The following PRKAG2 variants were observed in gnomAD, a reference collection of about 807,000 sequenced individuals.
PRKAG2 encodes 5'-AMP-activated protein kinase subunit gamma-2.
PRKAG2 carries 26 observed loss-of-function variants against 69.6 expected under a neutral mutation model. That is an observed-to-expected ratio of 0.37 (90% CI 0.27 to 0.52). The LOEUF (loss-of-function observed/expected upper bound fraction) is 0.52, where lower values mean the gene tolerates loss of function less well. Among genes scored for constraint, PRKAG2 ranks in the 20% least tolerant of loss-of-function variants. The pLI is 0.90. For synonymous variants in PRKAG2, 293 were observed against 285.0 expected, an observed-to-expected ratio of 1.03 and a Z score of -0.28; for missense variants, 557 against 740.0, an observed-to-expected ratio of 0.75 and a Z score of 2.87.
intron 5 of PRKAG2, 173 bp downstream of exon 5, chr7:151,631,896 C>G (rs1268851940): frequency 5.6e-5 from 33 of 584,422 alleles, no homozygotes; most frequent in Non-Finnish European, 7.9e-5. Context: ...GCAGCCCGAG[C>G]TCGCCGGCGC....
chr7:151,615,533 G>T (rs1226111016), intron 5 of PRKAG2, among the ~76,000 whole-genome samples: 1 of 152,298 alleles, frequency 6.6e-6, no homozygotes, highest in African/African-American at 2.4e-5. Flanking sequence ...GATGCCAAAA[G>T]CAATTGCAAC....
rs1221406055 is a variant in PRKAG2, at chr7:151,842,546, T to C, written c.114+33961A>G. Among the ~76,000 whole-genome samples the C allele has an allele frequency of 2.8e-5, 4 of 141,080 alleles. No individual in the cohort carries two copies. In the South Asian group the frequency reaches 9.1e-4, roughly 32 times the overall value. The allele number at this position is 141,080 out of a possible 152,430, so 92.6% of individuals were successfully genotyped here. On this transcript the variant is annotated intron_variant, in intron 1 of 15. Coordinates refer to ENST00000287878, the MANE Select transcript of PRKAG2 (RefSeq NM_016203.4). ...TAGGTAGTGATGATGGTAGTGATGGTAGGTAGTGATGGTAGTGATGGTAGG... is the reference window on the plus strand; with the variant it reads ...TAGGTAGTGATGATGGTAGTGATGGCAGGTAGTGATGGTAGTGATGGTAGG...
At position 151,716,954 on chromosome 7, in the gene PRKAG2, G is replaced by C. The variant is rs145981058; in HGVS notation, c.467-41317C>G. 5.3e-3 allele frequency among the ~76,000 whole-genome samples: 800 copies of C among 152,236 alleles called. 5 individuals carry two copies. The highest frequency in any genetic ancestry group is 0.01 in the Middle Eastern group (3 of 294). On this transcript the variant is annotated intron_variant, in intron 3 of 15. Coordinates refer to ENST00000287878, the MANE Select transcript of PRKAG2 (RefSeq NM_016203.4). ...ACAAAAATTCGAGGCAACAAAAGAG[G>C]GAAAGAGGTGGGCCGGGTGTGGTGG...
At chr7:151,742,485 G>A (rs558815928) in intron 3 of PRKAG2, among the ~76,000 whole-genome samples, 47 of 152,156 alleles carry the variant, frequency 3.1e-4, no homozygotes, top group African/African-American at 9.6e-4. Flanking sequence ...TTAGCTGGGC[G>A]TGATGGTGCG....
rs190288547 is a variant in PRKAG2 at position 151,788,844 on chromosome 7, G to A, written c.115-2303C>T. ...TTGTATATGGTATAAACGTAAGGGT[G>A]CAATTTCATTCTTTTACATGTAGAT... is the stretch of plus-strand genomic sequence containing the variant. On this transcript the variant is annotated intron_variant, in intron 1 of 15. Transcript: ENST00000287878. The surrounding 1 kb of genome is among the most constrained non-coding windows in gnomAD (Gnocchi z 4.6). Among the ~76,000 whole-genome samples, 122 of 152,294 alleles carry A rather than the reference G, an allele frequency of 8.0e-4. No homozygotes were observed. The Middle Eastern group carries it at 0.017, about 21-fold the overall frequency.
At chr7:151,639,179 A>C (rs1470578256) in intron 4 of PRKAG2, among the ~76,000 whole-genome samples, 1 of 152,038 alleles carries the variant, frequency 6.6e-6, no homozygotes, top group East Asian at 1.9e-4. Flanking sequence ...CTTCATCTAA[A>C]ACTGTGCCCC....
At chr7:151,653,530 A>C (rs2151404687) in intron 4 of PRKAG2, among the ~76,000 whole-genome samples, 1 of 152,286 alleles carries the variant, frequency 6.6e-6, no homozygotes. Flanking sequence ...AATGGGTTGA[A>C]AATTCTTTTT....
At chr7:151,697,571 C>T (rs1585852022) in intron 3 of PRKAG2, among the ~76,000 whole-genome samples, 1 of 152,164 alleles carries the variant, frequency 6.6e-6, no homozygotes, top group Non-Finnish European at 1.5e-5. Context: ...CAATGATGCC[C>T]AACCCTCATA....
At chr7:151,747,294 C>T (rs1337329584) in intron 3 of PRKAG2, among the ~76,000 whole-genome samples, 1 of 152,186 alleles carries the variant, frequency 6.6e-6, no homozygotes, top group Non-Finnish European at 1.5e-5. Context: ...TGTTGGCTCT[C>T]GCCAGTAATC....
Position 151,771,631 on chromosome 7 carries a change from G to A in PRKAG2, c.466+9521C>T, listed in dbSNP as rs752843668. On this transcript the variant is annotated intron_variant, in intron 3 of 15. Transcript: ENST00000287878. This position sits in a 1 kb window ranked among gnomAD's most constrained non-coding sequence, Gnocchi z 4.0. ...CAAGACTCAGGCCATTGAGTCATTC[G>A]CTTCACTGGTTTGTAAATATCTTTG... 6.6e-5 allele frequency among the ~76,000 whole-genome samples: 10 copies of A among 152,162 alleles called. No individual in the cohort carries two copies. Among genetic ancestry groups the A allele is most frequent in the Non-Finnish European group, 8.8e-5 (6 of 68,028 alleles).
intron 3 of PRKAG2, among the ~76,000 whole-genome samples, chr7:151,689,784 G>A (rs1835372627): frequency 6.6e-6 from 1 of 152,196 alleles, no homozygotes; most frequent in African/African-American, 2.4e-5. Context: ...CCCTCTGGGT[G>A]TCAGGTGCCA....
intron 3 of PRKAG2, among the ~76,000 whole-genome samples, chr7:151,762,413 G>T (rs951587065): frequency 1.2e-4 from 18 of 152,162 alleles, no homozygotes; most frequent in African/African-American, 4.3e-4. Context: ...TAAGCTTAAG[G>T]AGCAGGTAGG....
intron 3 of PRKAG2, among the ~76,000 whole-genome samples, chr7:151,746,314 G>A (rs2074281175): frequency 6.6e-6 from 1 of 152,220 alleles, no homozygotes; most frequent in African/African-American, 2.4e-5. Flanking sequence ...CTGAGCTGAA[G>A]TTTGCCTCAG....
rs754022461 is a variant in PRKAG2 at position 151,777,919 on chromosome 7, T to C, written c.466+3233A>G. On this transcript the variant is annotated intron_variant, in intron 3 of 15. Coordinates refer to ENST00000287878, the MANE Select transcript of PRKAG2 (RefSeq NM_016203.4). This position sits in a 1 kb window ranked among gnomAD's most constrained non-coding sequence, Gnocchi z 4.3. ...AGGTGTAGTTTCTATGATCTCGTAC[T>C]GCTCTGGGGTCATGGAGCCAGAGGT... 5.9e-5 allele frequency among the ~76,000 whole-genome samples: 9 copies of C among 152,178 alleles called. No individual in the cohort carries two copies. The highest frequency in any genetic ancestry group is 1.0e-4 in the Non-Finnish European group (7 of 68,014).
At chr7:151,797,930 A>C (rs2077642628) in intron 1 of PRKAG2, among the ~76,000 whole-genome samples, 1 of 152,258 alleles carries the variant, frequency 6.6e-6, no homozygotes, top group African/African-American at 2.4e-5. Context: ...TTACAATAAG[A>C]ATGTATCTCA....
intron 6 of PRKAG2, among the ~76,000 whole-genome samples, chr7:151,576,853 T>C (rs1251469011): frequency 6.6e-6 from 1 of 152,202 alleles, no homozygotes; most frequent in Admixed American, 6.5e-5. Context: ...TCTTCCATAA[T>C]AAGTTTCGTA....
intron 3 of PRKAG2, among the ~76,000 whole-genome samples, chr7:151,734,897 C>G (rs1326934935): frequency 6.9e-6 from 1 of 144,076 alleles, no homozygotes; most frequent in Admixed American, 7.4e-5. Context: ...CTCTGTCGCC[C>G]AGGCTGAAGT....
chr7:151,595,311 T>C (rs1394317577), intron 6 of PRKAG2, 34 bp downstream of exon 6: 1 of 1,455,552 alleles, frequency 6.9e-7, no homozygotes, highest in Non-Finnish European at 9.6e-7. Context: ...ATCCAAAAAA[T>C]ACCAAAAAAT....
At chr7:151,706,839 C>G (rs1393816170) in intron 3 of PRKAG2, among the ~76,000 whole-genome samples, 1 of 152,218 alleles carries the variant, frequency 6.6e-6, no homozygotes, top group Non-Finnish European at 1.5e-5. Context: ...CGGTGGTTCC[C>G]CATGCATCTC....
Sources: allele counts gnomAD v4.1 joint callset (sites outside exome capture counted in the v4.1 genomes callset), GRCh38; gene constraint gnomAD v4.1.1; non-coding constraint Gnocchi (gnomAD v3.1); transcripts MANE v1.5; gene names NCBI Gene and HGNC (gene_info 2026-07-23, HGNC 2026-07-21).